PDCD5: variants seen among roughly 807,000 people sequenced by gnomAD.
PDCD5 encodes programmed cell death protein 5.
PDCD5 carries 23 observed loss-of-function variants against 21.9 expected under a neutral mutation model. That is an observed-to-expected ratio of 1.05 (90% CI 0.76 to 1.49). PDCD5 has a LOEUF of 1.49. Among genes scored for constraint, PDCD5 ranks in the 40% most tolerant of loss-of-function variants. PDCD5 has a pLI of 0.00. For synonymous variants in PDCD5, 45 were observed against 49.4 expected (o/e 0.91, Z 0.37); for missense variants, 152 against 147.7 (o/e 1.03, Z -0.15).
At chr19:32,584,314 G>A (rs1024833488) in intron 2 of PDCD5, among the ~76,000 whole-genome samples, 3 of 152,172 alleles carry the variant, frequency 2.0e-5, no homozygotes, top group Admixed American at 1.3e-4. Context: ...GTGCTCATTT[G>A]TTTTTAGATT....
intron 1 of PDCD5, 84 bp from the exon 2 acceptor site, chr19:32,582,111 A>T: frequency 1.1e-6 from 1 of 901,560 alleles, no homozygotes; most frequent in Non-Finnish European, 1.8e-6. Context: ...AGAGACTGTT[A>T]TGTATAGGAA....
chr19:32,581,557 G>T, intron 1 of PDCD5: 1 of 362,778 alleles, frequency 2.8e-6, no homozygotes, highest in Non-Finnish European at 4.9e-6. Flanking sequence ...CTGCCCTGGC[G>T]TTGGGGTGTG....
At chr19:32,581,384 AGTGTAGGGCGCG>A in intron 1 of PDCD5, 57 bp downstream of exon 1, 1 of 1,251,668 alleles carries the variant, frequency 8.0e-7, no homozygotes, top group Non-Finnish European at 1.1e-6. Context: ...CCTCGCCCGG[AGTGTAGGGCGCG>A]CCTCCGGGGC....
In PDCD5 at chr19:32,581,340, G is replaced by GC; in HGVS notation, c.66+18dup. ...GGCCAAACACGGGGTGAGCGCATCA[G>GC]CCCCCGCCAGGCTTGGCCCTCGCGG... On this transcript the variant is annotated intron_variant, in intron 1 of 5. Coordinates refer to ENST00000590247, the MANE Select transcript of PDCD5 (RefSeq NM_004708.4). 4 of 1,479,076 alleles carry GC rather than the reference G, an allele frequency of 2.7e-6. No individual in the cohort carries two copies. The highest frequency in any genetic ancestry group is 3.6e-6 in the Non-Finnish European group (4 of 1,113,412). The allele number at this position is 1,479,076 out of a possible 1,614,324, so 91.6% of individuals were successfully genotyped here. A position where few individuals can be genotyped will look rare whatever the true frequency, so the allele number is the denominator to read the frequency against.
rs1312317859 is a variant in PDCD5 at position 32,585,913 on chromosome 19, C to T, written c.258+6C>T. 1.2e-6 allele frequency: 2 copies of T among 1,613,096 alleles called. No individual in the cohort carries two copies. Among genetic ancestry groups the T allele is most frequent in the Admixed American group, 3.3e-5 (2 of 60,018 alleles). ...ATGGACAACTAAGTGAGAAGGTAAG[C>T]TTAGACAGCCTTGAGGAACTTTACT... On this transcript the variant is annotated splice_donor_region_variant and intron_variant, in intron 4 of 5. Transcript: ENST00000590247.
intron 2 of PDCD5, among the ~76,000 whole-genome samples, chr19:32,583,884 T>C (rs911980574): frequency 2.7e-4 from 41 of 152,142 alleles, no homozygotes; most frequent in African/African-American, 9.2e-4. Flanking sequence ...CAGGCTGGAG[T>C]GCAGTGGCAC....
rs11084660 is a variant in PDCD5 at position 32,581,212 on chromosome 19, C to G, written c.-50C>G. The stretch of plus-strand genomic sequence containing the variant: ...CGCAGTGGTCAAGGCCGCGCTCGCG[C>G]CGAGGGGCTGCGAGAGTGACCGCGG... On this transcript the variant is annotated 5_prime_UTR_variant, in exon 1 of 6. Transcript: ENST00000590247. 0.36 allele frequency: 490,956 copies of G among 1,375,776 alleles called. 94,231 individuals carry two copies. The highest frequency in any genetic ancestry group is 0.39 in the Non-Finnish European group (405,851 of 1,036,756). The allele number at this position is 1,375,776 out of a possible 1,614,324, so 85.2% of individuals were successfully genotyped here.
chr19:32,585,207 C>A (rs1009810163), intron 3 of PDCD5, among the ~76,000 whole-genome samples, 196 bp downstream of exon 3: 2 of 152,132 alleles, frequency 1.3e-5, no homozygotes, highest in African/African-American at 4.8e-5. Flanking sequence ...ACTTCTCTTA[C>A]CAAGATGTTC....
At chr19:32,581,401 C>A in intron 1 of PDCD5, 74 bp downstream of exon 1, 1 of 1,072,086 alleles carries the variant, frequency 9.3e-7, no homozygotes, top group Non-Finnish European at 1.2e-6. Flanking sequence ...GGCGCGCCTC[C>A]GGGGCGGAGG....
intron 1 of PDCD5, among the ~76,000 whole-genome samples, chr19:32,581,876 T>C (rs1971430343): frequency 6.6e-6 from 1 of 152,142 alleles, no homozygotes; most frequent in Non-Finnish European, 1.5e-5. Flanking sequence ...GTCTTTGAGT[T>C]ATCGTTGTCC....
chr19:32,585,027 T>G lies in PDCD5; in HGVS notation c.166+16T>G. 6.2e-7 allele frequency: 1 copy of G among 1,600,868 alleles called. No homozygotes were observed. The highest frequency in any genetic ancestry group is 2.2e-5 in the East Asian group (1 of 44,832). On this transcript the variant is annotated intron_variant, in intron 3 of 5. Transcript: ENST00000590247. ...CGGGCCAGGTGTAAGCATCTTTGATTTCATTTCCATAAAGTTAGCTTGAGT... is the reference window on the plus strand; with the variant it reads ...CGGGCCAGGTGTAAGCATCTTTGATGTCATTTCCATAAAGTTAGCTTGAGT...
chr19:32,583,457 CT>C (rs77264733), intron 2 of PDCD5, among the ~76,000 whole-genome samples: 2,539 of 143,372 alleles, frequency 0.018, 56 homozygotes, highest in African/African-American at 0.052. Flanking sequence ...TTTTTTTAAA[CT>C]TTTTTTTTTT....
intron 2 of PDCD5, among the ~76,000 whole-genome samples, chr19:32,583,613 C>CGT (rs1971450304): frequency 6.6e-6 from 1 of 151,854 alleles, no homozygotes; most frequent in Non-Finnish European, 1.5e-5. Context: ...TTTAGAGATA[C>CGT]GTAAAACTAT....
intron 1 of PDCD5, 30 bp downstream of exon 1, chr19:32,581,357 C>A (rs1045913422): frequency 6.9e-7 from 1 of 1,448,806 alleles, no homozygotes; most frequent in Non-Finnish European, 9.1e-7. Context: ...CCAGGCTTGG[C>A]CCTCGCGGGG....
intron 2 of PDCD5, 78 bp downstream of exon 2, chr19:32,582,310 G>T: frequency 7.9e-7 from 1 of 1,273,730 alleles, no homozygotes; most frequent in Non-Finnish European, 1.1e-6. Context: ...TTTTAAGCAG[G>T]TGTGTGACTC....
intron 4 of PDCD5, 138 bp from the exon 5 acceptor site, chr19:32,586,720 C>G: frequency 7.3e-7 from 1 of 1,375,360 alleles, no homozygotes; most frequent in South Asian, 2.0e-5. Context: ...CCAATAGTTT[C>G]AACCTCCTGC....
chr19:32,584,827 A>G (rs573305708), intron 2 of PDCD5, 123 bp from the exon 3 acceptor site: 2 of 765,476 alleles, frequency 2.6e-6, no homozygotes, highest in Non-Finnish European at 4.8e-6. Flanking sequence ...CAACTACCAT[A>G]ATGCAGTTTG....
intron 2 of PDCD5, 105 bp downstream of exon 2, chr19:32,582,337 C>G (rs570196984): frequency 4.9e-6 from 5 of 1,029,558 alleles, no homozygotes; most frequent in Admixed American, 2.2e-5. Flanking sequence ...TTTTGTTTTG[C>G]TGGAATGGTG....
intron 2 of PDCD5, among the ~76,000 whole-genome samples, chr19:32,584,388 T>A (rs2145240066): frequency 6.6e-6 from 1 of 152,346 alleles, no homozygotes; most frequent in South Asian, 2.1e-4. Flanking sequence ...CCTGTGAACG[T>A]GAACTACTTT....
Sources: gnomAD v4.1 joint callset for allele counts (sites outside exome capture counted in the v4.1 genomes callset) on GRCh38, gnomAD v4.1.1 for gene constraint, MANE v1.5 for transcripts, NCBI Gene and HGNC (gene_info 2026-07-23, HGNC 2026-07-21) for gene names.